Variants in RPS6KA2 observed in about 807,000 individuals in gnomAD.
RPS6KA2 encodes ribosomal protein S6 kinase A2.
RPS6KA2 carries 42 observed loss-of-function variants against 91.8 expected under a neutral mutation model. The ratio of observed to expected loss-of-function variants is 0.46; its 90% CI spans 0.36 to 0.59. The LOEUF (loss-of-function observed/expected upper bound fraction) is 0.59, where lower values mean the gene tolerates loss of function less well. Among genes scored for constraint, RPS6KA2 ranks in the 20% least tolerant of loss-of-function variants. RPS6KA2 has a pLI of 0.00. For missense variants in RPS6KA2, 798 were observed against 978.5 expected (o/e 0.82, Z 2.46); for synonymous variants, 414 against 393.6 (o/e 1.05, Z -0.61).
Position 166,472,141 on chromosome 6 carries a change from C to G in RPS6KA2, c.908-2236G>C, listed in dbSNP as rs1450555598. ...TCTCCTCTACTCTTTTGTTTGGTGACTGTTGGACGCATGGCCAGAGGCACT... is the reference window on the plus strand; with the variant it reads ...TCTCCTCTACTCTTTTGTTTGGTGAGTGTTGGACGCATGGCCAGAGGCACT... On this transcript the variant is annotated intron_variant, in intron 10 of 20. Coordinates refer to ENST00000265678, the MANE Select transcript of RPS6KA2 (RefSeq NM_021135.6). Among the ~76,000 whole-genome samples the G allele has an allele frequency of 2.6e-5, 4 of 152,334 alleles. No homozygotes were observed. The East Asian group carries it at 7.7e-4, about 29-fold the overall frequency.
intron 2 of RPS6KA2, among the ~76,000 whole-genome samples, chr6:166,832,581 T>G (rs1163192373): frequency 6.6e-6 from 1 of 152,184 alleles, no homozygotes; most frequent in African/African-American, 2.4e-5. Context: ...AGAAACTAAC[T>G]CCATCTTGAA....
intron 1 of RPS6KA2, among the ~76,000 whole-genome samples, chr6:166,552,306 C>T (rs1784044480): frequency 6.6e-6 from 1 of 152,202 alleles, no homozygotes; most frequent in African/African-American, 2.4e-5. Context: ...TTCAAGGAAT[C>T]GATGAAAACT....
At position 166,665,727 on chromosome 6, in the gene RPS6KA2, A is replaced by G. The variant is rs1788297896; in HGVS notation, c.124-126943T>C. The stretch of plus-strand genomic sequence containing the variant: ...GACCAAGCTTAGGTCCCATGAAATG[A>G]GCCCCACTTGCAGAGCTTGTTCTGA... On this transcript the variant is annotated intron_variant, in intron 2 of 21. Coordinates refer to the RPS6KA2 transcript ENST00000503859. The surrounding 1 kb of genome is among the most constrained non-coding windows in gnomAD (Gnocchi z 4.5). 6.6e-6 allele frequency among the ~76,000 whole-genome samples: 1 copy of G among 152,212 alleles called. No homozygotes were observed.
At chr6:166,466,301 C>G (rs1489502589) in intron 11 of RPS6KA2, among the ~76,000 whole-genome samples, 2 of 152,210 alleles carry the variant, frequency 1.3e-5, no homozygotes, top group African/African-American at 4.8e-5. Flanking sequence ...GCTCGCCGGA[C>G]CTCAGCATTC....
intron 11 of RPS6KA2, chr6:166,465,255 C>T (rs1780475285): frequency 6.6e-6 from 1 of 152,218 alleles, no homozygotes; most frequent in Non-Finnish European, 1.5e-5. Context: ...GTTTTCTGAG[C>T]TGCCGAAAAG....
chr6:166,827,688 T>C (rs1780084138), intron 2 of RPS6KA2, among the ~76,000 whole-genome samples: 1 of 152,206 alleles, frequency 6.6e-6, no homozygotes, highest in Non-Finnish European at 1.5e-5. Context: ...AAAAACAAGG[T>C]AACTGTGTGA....
intron 11 of RPS6KA2, among the ~76,000 whole-genome samples, chr6:166,462,261 C>T (rs1168921438): frequency 6.6e-6 from 1 of 152,232 alleles, no homozygotes; most frequent in African/African-American, 2.4e-5. Flanking sequence ...CCCATGGAAC[C>T]CCCGGTGGGG....
chr6:166,618,940 A>G (rs1486269758), intron 1 of RPS6KA2, among the ~76,000 whole-genome samples: 2 of 152,234 alleles, frequency 1.3e-5, no homozygotes, highest in African/African-American at 4.8e-5. Flanking sequence ...CCCTGTGCAT[A>G]TGGACTCCGA....
At chr6:166,489,814 C>G (rs1781529177) in intron 9 of RPS6KA2, among the ~76,000 whole-genome samples, 1 of 152,098 alleles carries the variant, frequency 6.6e-6, no homozygotes, top group South Asian at 2.1e-4. Flanking sequence ...CTTACAAAAG[C>G]TGAGCTGGTG....
chr6:166,854,542 T>C (rs529251580), intron 2 of RPS6KA2, among the ~76,000 whole-genome samples: 2 of 152,358 alleles, frequency 1.3e-5, no homozygotes, highest in South Asian at 4.1e-4. Context: ...TAAATATTCT[T>C]GGCTGAATAA....
intron 2 of RPS6KA2, among the ~76,000 whole-genome samples, chr6:166,790,449 A>T (rs1347504728): frequency 1.3e-5 from 2 of 152,210 alleles, no homozygotes; most frequent in Non-Finnish European, 1.5e-5. Flanking sequence ...GCAGGATATT[A>T]TCCAGGAGAA....
chr6:166,648,040 T>A lies in RPS6KA2; in HGVS notation c.124-109256A>T, dbSNP rs916391. 0.16 allele frequency among the ~76,000 whole-genome samples: 18,376 copies of A among 114,924 alleles called. 1,290 individuals carry two copies. The highest frequency in any genetic ancestry group is 0.27 in the Middle Eastern group (46 of 170). The allele number at this position is 114,924 out of a possible 152,430, so 75.4% of individuals were successfully genotyped here. A position where few individuals can be genotyped will look rare whatever the true frequency, so the allele number is the denominator to read the frequency against. ...TACACACATACATACACACATGCTC[T>A]CACACACATGCACATGCTCACACAC... On this transcript the variant is annotated intron_variant, in intron 2 of 21. Coordinates refer to the RPS6KA2 transcript ENST00000503859. This position sits in a 1 kb window ranked among gnomAD's most constrained non-coding sequence, Gnocchi z 4.8.
At chr6:166,510,801 G>A (rs568516422) in intron 3 of RPS6KA2, among the ~76,000 whole-genome samples, 272 of 151,470 alleles carry the variant, frequency 1.8e-3, no homozygotes, top group Middle Eastern at 3.4e-3. Context: ...CCTCCACGTC[G>A]TTTTCCCGAC....
intron 2 of RPS6KA2, among the ~76,000 whole-genome samples, chr6:166,804,685 A>G (rs1028757595): frequency 1.3e-5 from 2 of 152,004 alleles, no homozygotes; most frequent in African/African-American, 2.4e-5. Flanking sequence ...TGTTTTGTCC[A>G]TTAATAATTT....
At position 166,770,462 on chromosome 6, in the gene RPS6KA2, C is replaced by T. The variant is rs745975853; in HGVS notation, c.123+87738G>A. Among the ~76,000 whole-genome samples the T allele has an allele frequency of 8.5e-5, 13 of 152,322 alleles. No homozygotes were observed. In the East Asian group the frequency reaches 1.5e-3, roughly 18 times the overall value. ...AGCTTCAGCACCCCCACGTTTGCCT[C>T]GCTGCCATGGCTCCCTTCTGCCGCT... On this transcript the variant is annotated intron_variant, in intron 2 of 21. Transcript: ENST00000503859. The surrounding 1 kb of genome is among the most constrained non-coding windows in gnomAD (Gnocchi z 5.1).
intron 2 of RPS6KA2, among the ~76,000 whole-genome samples, chr6:166,745,497 C>T (rs187474947): frequency 5.9e-5 from 9 of 152,224 alleles, no homozygotes; most frequent in South Asian, 2.1e-4. Flanking sequence ...TGGACAAGGG[C>T]CCACCTTCAA....
chr6:166,554,319 T>C lies in RPS6KA2; in HGVS notation c.100-15535A>G, dbSNP rs1343507281. On this transcript the variant is annotated intron_variant, in intron 1 of 20. Coordinates refer to ENST00000265678, the MANE Select transcript of RPS6KA2 (RefSeq NM_021135.6). This position sits in a 1 kb window ranked among gnomAD's most constrained non-coding sequence, Gnocchi z 4.3. ...TGAGCATTTTAGCTTCTGTTTCAAG[T>C]CTTAAGACTAACATATTCCCAGACT... Among the ~76,000 whole-genome samples the C allele has an allele frequency of 3.3e-5, 5 of 152,240 alleles. No homozygotes were observed. The highest frequency in any genetic ancestry group is 3.3e-4 in the Admixed American group (5 of 15,284).
chr6:166,794,283 T>G (rs1287328403), intron 2 of RPS6KA2, among the ~76,000 whole-genome samples: 1 of 150,666 alleles, frequency 6.6e-6, no homozygotes, highest in Non-Finnish European at 1.5e-5. Context: ...ATCAGAGAAA[T>G]GCAAATCAAA....
At chr6:166,840,043 C>T (rs549642407) in intron 2 of RPS6KA2, among the ~76,000 whole-genome samples, 98 of 151,956 alleles carry the variant, frequency 6.4e-4, no homozygotes, top group Non-Finnish European at 1.1e-3. Context: ...AAAATAGATG[C>T]CATAATGCCA....
Sources: gnomAD v4.1 joint callset for allele counts (sites outside exome capture counted in the v4.1 genomes callset) on GRCh38, gnomAD v4.1.1 for gene constraint, Gnocchi (gnomAD v3.1) non-coding constraint, MANE v1.5 for transcripts, NCBI Gene and HGNC (gene_info 2026-07-23, HGNC 2026-07-21) for gene names.